FOXK1: variants seen among roughly 807,000 people sequenced by gnomAD.
FOXK1 encodes forkhead box K1, also known as forkhead box protein K1.
Under a neutral mutation model 51.9 loss-of-function variants are expected in FOXK1, and 19 were observed. That is an observed-to-expected ratio of 0.37 (90% confidence interval 0.26 to 0.54). FOXK1 has a LOEUF of 0.54. FOXK1 is among the 20% of genes least tolerant of loss of function. FOXK1 has a pLI of 0.87. For missense variants in FOXK1, 870 were observed against 1,032.7 expected (o/e 0.84, Z 2.16); for synonymous variants, 537 against 482.6 (o/e 1.11, Z -1.48).
intron 1 of FOXK1, among the ~76,000 whole-genome samples, chr7:4,714,471 C>T (rs1780210352): frequency 2.0e-5 from 3 of 152,132 alleles, no homozygotes; most frequent in East Asian, 1.9e-4. Context: ...GACCGGGTTT[C>T]GCCACATTGC....
chr7:4,768,178 G>GCCGGA lies in FOXK1; in HGVS notation c.*5715_*5716insCGGAC. ...GACGGAGTCTCGCTCTGTCGCCCAG[G>GCCGGA]CTGGAGTGCAGTGGCGTGATCTCGG... On this transcript the variant is annotated 3_prime_UTR_variant, in exon 9 of 9. Transcript: ENST00000328914. 1 of 122,386 alleles carries GCCGGA rather than the reference G, an allele frequency of 8.2e-6. No homozygotes were observed. The highest frequency in any genetic ancestry group is 1.5e-5 in the Non-Finnish European group (1 of 64,864). The allele number at this position is 122,386 out of a possible 1,614,324, so 7.6% of individuals were successfully genotyped here. A position where few individuals can be genotyped will look rare whatever the true frequency, so the allele number is the denominator to read the frequency against.
chr7:4,686,632 C>T (rs1264195359), intron 1 of FOXK1, among the ~76,000 whole-genome samples: 1 of 152,166 alleles, frequency 6.6e-6, no homozygotes, highest in African/African-American at 2.4e-5. Context: ...CATAAGCTCC[C>T]TGTGGCTGGG....
In FOXK1 at chr7:4,686,888, A is replaced by G. The variant is rs186565189; in HGVS notation, c.560+4020A>G. ...AGGGGGGTGAGGTGTGTGTGTGCAC[A>G]TGTGTGTGTGTGCTGTCATTCTTGA... On this transcript the variant is annotated intron_variant, in intron 1 of 8. Transcript: ENST00000328914. Among the ~76,000 whole-genome samples the G allele has an allele frequency of 4.8e-4, 72 of 150,266 alleles. 1 individual carries two copies. The East Asian group carries it at 0.011, about 23-fold the overall frequency.
chr7:4,752,412 T>C (rs1780791000), intron 2 of FOXK1, among the ~76,000 whole-genome samples: 1 of 152,246 alleles, frequency 6.6e-6, no homozygotes, highest in African/African-American at 2.4e-5. Flanking sequence ...CCCAAATTGC[T>C]GGGCTTACAG....
rs1056876694 is a variant in FOXK1 at position 4,768,036 on chromosome 7, C to T, written c.*5572C>T. The T allele has an allele frequency of 2.0e-5, 3 of 150,188 alleles. No individual in the cohort carries two copies. Among genetic ancestry groups the T allele is most frequent in the African/African-American group, 7.4e-5 (3 of 40,810 alleles). 9.3% of individuals were successfully genotyped at this position (150,188 alleles called of 1,614,324 possible). Reference sequence around the variant, plus strand: ...CACCCAAACCCCGAAGTCACAGCTGCTTAGAAGAATGGGATTTTGGGGATA... The same window carrying T: ...CACCCAAACCCCGAAGTCACAGCTGTTTAGAAGAATGGGATTTTGGGGATA... On this transcript the variant is annotated 3_prime_UTR_variant, in exon 9 of 9. Transcript: ENST00000328914.
In FOXK1 at chr7:4,733,591, G is replaced by A. The variant is rs1423572298; in HGVS notation, c.561-7247G>A. ...GGGCAGAGAAACATGGTCTTCAGTT[G>A]GGTGGACGTTTCTCTGTCTCCATGT... On this transcript the variant is annotated intron_variant, in intron 1 of 8. Coordinates refer to ENST00000328914, the MANE Select transcript of FOXK1 (RefSeq NM_001037165.2). The surrounding 1 kb of genome is among the most constrained non-coding windows in gnomAD (Gnocchi z 5.0). 6.6e-6 allele frequency among the ~76,000 whole-genome samples: 1 copy of A among 152,234 alleles called. No homozygotes were observed. The highest frequency in any genetic ancestry group is 1.5e-5 in the Non-Finnish European group (1 of 68,050).
At chr7:4,760,726 C>T (rs1291389909) in intron 7 of FOXK1, among the ~76,000 whole-genome samples, 2 of 152,132 alleles carry the variant, frequency 1.3e-5, no homozygotes, top group African/African-American at 4.8e-5. Flanking sequence ...TGGCAGGCGC[C>T]TGTAGTCCCA....
intron 1 of FOXK1, among the ~76,000 whole-genome samples, chr7:4,685,345 G>A (rs1262140481): frequency 6.6e-6 from 1 of 150,758 alleles, no homozygotes; most frequent in Non-Finnish European, 1.5e-5. Context: ...CTCCTGAGTG[G>A]CTGGGACTAC....
rs1441027797 is a variant in FOXK1, at chr7:4,753,793, C to T, written c.747-666C>T. 6.6e-6 allele frequency among the ~76,000 whole-genome samples: 1 copy of T among 152,230 alleles called. No homozygotes were observed. Among genetic ancestry groups the T allele is most frequent in the Admixed American group, 6.5e-5 (1 of 15,286 alleles). On this transcript the variant is annotated intron_variant, in intron 2 of 8. Transcript: ENST00000328914. This position sits in a 1 kb window ranked among gnomAD's most constrained non-coding sequence, Gnocchi z 4.9. ...TCCTGCCTGTGGTCCCGGCCTCAAC[C>T]CAGAGCCTCACCTGCAGCCGGGGGT...
At chr7:4,759,861 T>C in intron 7 of FOXK1, 1 of 552,200 alleles carries the variant, frequency 1.8e-6, no homozygotes, top group Non-Finnish European at 3.2e-6. Flanking sequence ...TGAAACCCCG[T>C]CTCTACTGAA....
At chr7:4,692,940 C>G (rs113900784) in intron 1 of FOXK1, among the ~76,000 whole-genome samples, 2,773 of 152,046 alleles carry the variant, frequency 0.018, 35 homozygotes, top group Non-Finnish European at 0.03. Context: ...GGTCTTGCCG[C>G]GTTTCCCTGA....
intron 1 of FOXK1, among the ~76,000 whole-genome samples, chr7:4,693,534 C>G (rs1346735136): frequency 6.6e-6 from 1 of 152,110 alleles, no homozygotes; most frequent in Non-Finnish European, 1.5e-5. Context: ...TAGGGTGGCA[C>G]GATTCATCCT....
intron 1 of FOXK1, among the ~76,000 whole-genome samples, chr7:4,721,162 T>G (rs1780304376): frequency 6.6e-6 from 1 of 152,218 alleles, no homozygotes; most frequent in Admixed American, 6.5e-5. Context: ...ATCAGGGCCC[T>G]GGAGGAGGTT....
At chr7:4,705,760 A>G (rs892293358) in intron 1 of FOXK1, among the ~76,000 whole-genome samples, 2 of 142,796 alleles carry the variant, frequency 1.4e-5, no homozygotes, top group African/African-American at 5.8e-5. Context: ...GATGGTCTCG[A>G]TCTCCCAACC....
At chr7:4,746,400 T>G (rs1178233546) in intron 2 of FOXK1, among the ~76,000 whole-genome samples, 1 of 152,132 alleles carries the variant, frequency 6.6e-6, no homozygotes, top group Non-Finnish European at 1.5e-5. Flanking sequence ...TTCATCTCTT[T>G]CAAAGTTTCT....
chr7:4,751,057 C>T (rs1780769125), intron 2 of FOXK1, among the ~76,000 whole-genome samples: 1 of 143,568 alleles, frequency 7.0e-6, no homozygotes, highest in Admixed American at 6.9e-5. Flanking sequence ...CTCTGTCGCC[C>T]AGGCTGGAGT....
intron 1 of FOXK1, among the ~76,000 whole-genome samples, chr7:4,725,796 T>C (rs1269601190): frequency 6.6e-6 from 1 of 152,202 alleles, no homozygotes; most frequent in Non-Finnish European, 1.5e-5. Flanking sequence ...GGCAACAGGC[T>C]GGGATCCAGG....
rs780043130 is a variant in FOXK1 at position 4,740,823 on chromosome 7, C to T, written c.561-15C>T. ...CTCCTCCTGCACCTCACACCCGCTC[C>T]TCCTCCTGTTGCAGGTGTACCTTCC... On this transcript the variant is annotated splice_polypyrimidine_tract_variant and intron_variant, in intron 1 of 8. Transcript: ENST00000328914. The T allele has an allele frequency of 2.5e-6, 4 of 1,585,564 alleles. No individual in the cohort carries two copies. The Admixed American group carries it at 5.4e-5, about 21-fold the overall frequency.
rs752608579 is a variant in FOXK1 at position 4,761,099 on chromosome 7, A to G, written c.1732A>G (p.Ile578Val). The G allele has an allele frequency of 2.5e-6, 4 of 1,612,866 alleles. No homozygotes were observed. The highest frequency in any genetic ancestry group is 2.7e-5 in the African/African-American group (2 of 74,938). Residue 578 changes from isoleucine (I) to valine (V), a missense_variant, in exon 8 of 9, where the codon ATC (isoleucine) becomes GTC (valine). Coordinates refer to ENST00000328914, the MANE Select transcript of FOXK1 (RefSeq NM_001037165.2). The surrounding 1 kb of genome is among the most constrained non-coding windows in gnomAD (Gnocchi z 6.2). ...GAAACCCACCATTGCGTTTGCCACAATCCCCGCGGCTGGTGGAGTCATCCA... is the reference window on the plus strand; with the variant it reads ...GAAACCCACCATTGCGTTTGCCACAGTCCCCGCGGCTGGTGGAGTCATCCA... ...EEKPTIAFAT[I>V]PAAGGVIQTV...
Sources: gnomAD v4.1 joint callset for allele counts (sites outside exome capture counted in the v4.1 genomes callset) on GRCh38, gnomAD v4.1.1 for gene constraint, Gnocchi (gnomAD v3.1) non-coding constraint, MANE v1.5 for transcripts, NCBI Gene and HGNC (gene_info 2026-07-23, HGNC 2026-07-21) for gene names.